GGA2: variants seen among roughly 807,000 people sequenced by gnomAD.
GGA2 encodes ADP-ribosylation factor-binding protein GGA2.
A neutral mutation model predicts 79.5 loss-of-function variants in GGA2; 48 were observed. The ratio of observed to expected loss-of-function variants is 0.60; its 90% CI spans 0.48 to 0.77. The LOEUF (loss-of-function observed/expected upper bound fraction) is 0.77, where lower values mean the gene tolerates loss of function less well. GGA2 is among the 30% of genes least tolerant of loss of function. GGA2 has a pLI of 0.00. For synonymous variants in GGA2, 317 were observed against 302.0 expected (o/e 1.05, Z -0.51); for missense variants, 770 against 774.0 (o/e 0.99, Z 0.06).
Position 23,465,535 on chromosome 16 carries a change from G to T in GGA2, c.*2055C>A, listed in dbSNP as rs1245836006. Reference sequence around the variant, plus strand: ...CTCCTAACTATAGGGGAGAAAGCCTGTCTTTATGTATAAGTCTCATTCACC... The same window carrying T: ...CTCCTAACTATAGGGGAGAAAGCCTTTCTTTATGTATAAGTCTCATTCACC... On this transcript the variant is annotated 3_prime_UTR_variant, in exon 17 of 17. Transcript: ENST00000309859. The T allele has an allele frequency of 1.2e-5, 8 of 643,180 alleles. No individual in the cohort carries two copies. Among genetic ancestry groups the T allele is most frequent in the Non-Finnish European group, 2.2e-5 (8 of 356,852 alleles). The allele number at this position is 643,180 out of a possible 1,614,324, so 39.8% of individuals were successfully genotyped here. A position where few individuals can be genotyped will look rare whatever the true frequency, so the allele number is the denominator to read the frequency against.
intron 13 of GGA2, among the ~76,000 whole-genome samples, chr16:23,476,014 G>A (rs1042112997): frequency 1.3e-5 from 2 of 152,124 alleles, no homozygotes; most frequent in African/African-American, 4.8e-5. Context: ...TGTTATGAAG[G>A]TTGTTCATGT....
At chr16:23,505,251 T>C (rs1407697507) in intron 1 of GGA2, among the ~76,000 whole-genome samples, 1 of 152,022 alleles carries the variant, frequency 6.6e-6, no homozygotes, top group African/African-American at 2.4e-5. Context: ...AAGAAACAGA[T>C]TTACTGAGCA....
chr16:23,485,905 A>G, intron 8 of GGA2, 110 bp downstream of exon 8: 1 of 985,368 alleles, frequency 1.0e-6, no homozygotes, highest in Admixed American at 2.2e-5. Flanking sequence ...GAGGTGTCAG[A>G]TATGTTTACC....
At chr16:23,472,010 GA>G (rs1311189192) in intron 14 of GGA2, among the ~76,000 whole-genome samples, 1 of 151,966 alleles carries the variant, frequency 6.6e-6, no homozygotes, top group African/African-American at 2.4e-5. Flanking sequence ...AGAGTATGGG[GA>G]AAAAAAGCAA....
intron 8 of GGA2, among the ~76,000 whole-genome samples, chr16:23,483,243 A>AC (rs1248733890): frequency 1.3e-5 from 2 of 152,162 alleles, no homozygotes; most frequent in African/African-American, 4.8e-5. Flanking sequence ...AGGGTGGCTC[A>AC]CGTCTGTAAT....
intron 5 of GGA2, 85 bp downstream of exon 5, chr16:23,491,592 C>T: frequency 1.6e-6 from 2 of 1,243,988 alleles, no homozygotes; most frequent in Non-Finnish European, 2.3e-6. Context: ...GTACAGCTTT[C>T]AACAAAAAAT....
intron 6 of GGA2, 62 bp downstream of exon 6, chr16:23,488,544 G>A: frequency 2.1e-6 from 2 of 946,304 alleles, no homozygotes; most frequent in East Asian, 4.8e-5. Context: ...AAGCATCAAA[G>A]GGCATTTACA....
At chr16:23,489,404 T>C (rs1020642315) in intron 5 of GGA2, among the ~76,000 whole-genome samples, 20 of 152,122 alleles carry the variant, frequency 1.3e-4, no homozygotes. Context: ...CCAGGTAATT[T>C]TTTTAAAAAA....
chr16:23,496,095 G>A (rs950200917), intron 1 of GGA2, among the ~76,000 whole-genome samples: 1 of 151,982 alleles, frequency 6.6e-6, no homozygotes, highest in Non-Finnish European at 1.5e-5. Flanking sequence ...GAGGTCAGAA[G>A]TTTGAGACTA....
Position 23,467,600 on chromosome 16 carries a change from C to A in GGA2, c.1832G>T (p.Gly611Val), listed in dbSNP as rs760106544. Residue 611 changes from glycine to valine, a missense_variant, in exon 17 of 17, where the codon GGC becomes GTC. Physicochemically the swap from Gly to Val is moderately radical, Grantham distance 109. Coordinates refer to ENST00000309859, the MANE Select transcript of GGA2 (RefSeq NM_015044.4). The part of the protein sequence containing the change: ...VKDFPDLAVL[G>V]AA Reference sequence around the variant, plus strand: ...CCATCTTGTGAAAAGTTAGGCTGCGCCCAAGACAGCCAGGTCTGGGAAGTC... The same window carrying A: ...CCATCTTGTGAAAAGTTAGGCTGCGACCAAGACAGCCAGGTCTGGGAAGTC... 2.6e-6 allele frequency: 4 copies of A among 1,559,312 alleles called. No homozygotes were observed. Among genetic ancestry groups the A allele is most frequent in the Non-Finnish European group, 3.5e-6 (4 of 1,130,714 alleles).
At chr16:23,489,762 A>C (rs1303217128) in intron 5 of GGA2, among the ~76,000 whole-genome samples, 1 of 152,252 alleles carries the variant, frequency 6.6e-6, no homozygotes, top group Non-Finnish European at 1.5e-5. Flanking sequence ...TCTTCTCCAG[A>C]GGCTCACGAA....
intron 1 of GGA2, chr16:23,501,070 G>T (rs1964916619): frequency 5.5e-6 from 2 of 364,366 alleles, no homozygotes; most frequent in Non-Finnish European, 1.1e-5. Flanking sequence ...TACGCAAATA[G>T]ATCTCTGGCT....
chr16:23,485,753 GGTTAT>G (rs1478354834), intron 8 of GGA2, among the ~76,000 whole-genome samples: 1 of 152,078 alleles, frequency 6.6e-6, no homozygotes, highest in Non-Finnish European at 1.5e-5. Context: ...AAAAATAGAG[GGTTAT>G]GTACTGCATC....
At chr16:23,476,024 T>C (rs902237821) in intron 13 of GGA2, among the ~76,000 whole-genome samples, 2 of 152,196 alleles carry the variant, frequency 1.3e-5, no homozygotes, top group African/African-American at 4.8e-5. Context: ...GTTGTTCATG[T>C]TGTACCTGTC....
At chr16:23,508,407 T>G (rs1330659511) in intron 1 of GGA2, among the ~76,000 whole-genome samples, 1 of 152,152 alleles carries the variant, frequency 6.6e-6, no homozygotes, top group Admixed American at 6.5e-5. Context: ...CTCCATTGCC[T>G]CCTAAAACTA....
At chr16:23,497,415 A>G (rs990500364) in intron 1 of GGA2, among the ~76,000 whole-genome samples, 5 of 152,224 alleles carry the variant, frequency 3.3e-5, no homozygotes, top group African/African-American at 7.2e-5. Context: ...AACACAGCAC[A>G]GTCCGAGTTG....
chr16:23,481,062 AAACTTTT>A (rs1469775691), intron 9 of GGA2, among the ~76,000 whole-genome samples: 1 of 152,224 alleles, frequency 6.6e-6, no homozygotes, highest in African/African-American at 2.4e-5. Flanking sequence ...TTTCAATAAC[AAACTTTT>A]AACTTTAACT....
rs1161738846 is a variant in GGA2, at chr16:23,507,934, TG to T, written c.91+2386del. ...GAGATCATGCCGCTGCACTCCAGCC[TG>T]GGTGACACAGTGAGACTCTGTTTCA... On this transcript the variant is annotated intron_variant, in intron 1 of 16. Coordinates refer to ENST00000309859, the MANE Select transcript of GGA2 (RefSeq NM_015044.4). Among the ~76,000 whole-genome samples the T allele has an allele frequency of 5.3e-5, 8 of 152,106 alleles. No homozygotes were observed. The East Asian group carries it at 1.3e-3, about 26-fold the overall frequency.
chr16:23,510,217 G>T, intron 1 of GGA2, 104 bp downstream of exon 1: 1 of 645,998 alleles, frequency 1.5e-6, no homozygotes, highest in Non-Finnish European at 2.3e-6. Flanking sequence ...CCGGCCGCCG[G>T]CCTCCCCTGC....
Sources: gnomAD v4.1 joint callset for allele counts (sites outside exome capture counted in the v4.1 genomes callset) on GRCh38, gnomAD v4.1.1 for gene constraint, MANE v1.5 for transcripts, NCBI Gene and HGNC (gene_info 2026-07-23, HGNC 2026-07-21) for gene names.